Variants in MPDZ observed in about 807,000 individuals in gnomAD.
The protein encoded by MPDZ is multiple PDZ domain crumbs cell polarity complex component.
Under a neutral mutation model 239.1 loss-of-function variants are expected in MPDZ, and 234 were observed. The ratio of observed to expected loss-of-function variants is 0.98; its 90% CI spans 0.88 to 1.09. The LOEUF (loss-of-function observed/expected upper bound fraction) is 1.09. MPDZ is among the 50% of genes least tolerant of loss of function. MPDZ has a pLI of 0.00. For synonymous variants in MPDZ, 1,048 were observed against 881.3 expected (o/e 1.19, Z -3.35); for missense variants, 3,175 against 2,510.0 (o/e 1.26, Z -5.66).
chr9:13,231,342 G>T (rs1398264975), intron 3 of MPDZ, among the ~76,000 whole-genome samples: 3 of 152,076 alleles, frequency 2.0e-5, no homozygotes, highest in Non-Finnish European at 2.9e-5. Context: ...GAGGTGGGTG[G>T]ACTACTTGAG....
chr9:13,202,395 A>C (rs996539134), intron 12 of MPDZ, among the ~76,000 whole-genome samples: 1 of 152,178 alleles, frequency 6.6e-6, no homozygotes, highest in Non-Finnish European at 1.5e-5. Context: ...AGATGGCTCC[A>C]TGAGAGCACC....
intron 18 of MPDZ, among the ~76,000 whole-genome samples, chr9:13,185,007 T>C (rs1587614939): frequency 6.6e-6 from 1 of 152,148 alleles, no homozygotes; most frequent in East Asian, 1.9e-4. Flanking sequence ...TGCTATTTCG[T>C]CGGGTACTTT....
At chr9:13,265,837 C>T (rs903035910) in intron 1 of MPDZ, among the ~76,000 whole-genome samples, 8 of 152,036 alleles carry the variant, frequency 5.3e-5, no homozygotes, top group East Asian at 3.9e-4. Context: ...AGGATGGAGA[C>T]GATATTTCCA....
At position 13,207,086 on chromosome 9, in the gene MPDZ, A is replaced by G. The variant is rs545686693; in HGVS notation, c.1291-987T>C. ...TAAAAGGTATAGAAGACAGTGATAA[A>G]TGTGCTCACTGAGTGCACTGATGTA... On this transcript the variant is annotated intron_variant, in intron 10 of 46. Coordinates refer to ENST00000319217, the MANE Select transcript of MPDZ (RefSeq NM_001378778.1). Among the ~76,000 whole-genome samples, 7 of 152,298 alleles carry G rather than the reference A, an allele frequency of 4.6e-5. No individual in the cohort carries two copies. The East Asian group carries it at 1.4e-3, about 29-fold the overall frequency.
chr9:13,271,496 A>C (rs527814637), intron 1 of MPDZ, among the ~76,000 whole-genome samples: 2 of 152,332 alleles, frequency 1.3e-5, no homozygotes, highest in African/African-American at 4.8e-5. Context: ...AAAGATGATC[A>C]TCTCTCCCTT....
intron 19 of MPDZ, among the ~76,000 whole-genome samples, chr9:13,179,787 C>T (rs750930200): frequency 1.8e-4 from 27 of 152,016 alleles, no homozygotes; most frequent in Admixed American, 1.2e-3. Flanking sequence ...ATTTCTTAAG[C>T]GCAATGCATA....
At chr9:13,264,458 G>A (rs1033891162) in intron 1 of MPDZ, among the ~76,000 whole-genome samples, 1 of 152,074 alleles carries the variant, frequency 6.6e-6, no homozygotes, top group Non-Finnish European at 1.5e-5. Flanking sequence ...ATATAGGTCA[G>A]AGAGAAGCTA....
chr9:13,237,347 G>A (rs2137112438), intron 3 of MPDZ, among the ~76,000 whole-genome samples: 1 of 149,384 alleles, frequency 6.7e-6, no homozygotes, highest in Admixed American at 6.7e-5. Context: ...TGAGGTTGGA[G>A]GGTCACGGGA....
chr9:13,234,012 C>T (rs1394138978), intron 3 of MPDZ, among the ~76,000 whole-genome samples: 2 of 98,866 alleles, frequency 2.0e-5, no homozygotes, highest in East Asian at 3.1e-4. Flanking sequence ...CTCTGTAATA[C>T]ATTTAGATTT....
chr9:13,217,332 G>T, intron 8 of MPDZ, 38 bp from the exon 9 acceptor site: 1 of 1,306,482 alleles, frequency 7.7e-7, no homozygotes, highest in Non-Finnish European at 1.0e-6. Context: ...GAAATAATAC[G>T]TAAAAAAAAC....
chr9:13,229,621 A>T (rs1490220788), intron 3 of MPDZ, among the ~76,000 whole-genome samples: 1 of 151,562 alleles, frequency 6.6e-6, no homozygotes, highest in African/African-American at 2.4e-5. Context: ...TCCACCCCAC[A>T]CACAATTACC....
chr9:13,165,856 T>A (rs1392717324), intron 22 of MPDZ, among the ~76,000 whole-genome samples: 3 of 152,124 alleles, frequency 2.0e-5, no homozygotes, highest in Non-Finnish European at 4.4e-5. Flanking sequence ...TGGTTTTCCA[T>A]AGAAAATAAT....
At position 13,221,394 on chromosome 9, in the gene MPDZ, A is replaced by G; in HGVS notation, c.854T>C (p.Leu285Pro). The change falls in exon 7 of 47, where the codon CTG becomes CCG. Residue 285 changes from leucine to proline, a missense_variant. Physicochemically the swap from Leu to Pro is moderately conservative, Grantham distance 98. Transcript: ENST00000319217. ...KATGVIVKTI[L>P]PGGVADQHGR... ...TACCTGATCAGCTACTCCTCCAGGCAGAATGGTTTTTACTATCACACCAGT... is the reference window on the plus strand; with the variant it reads ...TACCTGATCAGCTACTCCTCCAGGCGGAATGGTTTTTACTATCACACCAGT... The G allele has an allele frequency of 1.2e-6, 2 of 1,610,046 alleles. No individual in the cohort carries two copies. The highest frequency in any genetic ancestry group is 1.7e-6 in the Non-Finnish European group (2 of 1,177,608).
Position 13,136,171 on chromosome 9 carries a change from G to C in MPDZ, c.4304C>G (p.Ala1435Gly), listed in dbSNP as rs752864103. The C allele has an allele frequency of 6.2e-7, 1 of 1,610,550 alleles. No homozygotes were observed. The highest frequency in any genetic ancestry group is 8.5e-7 in the Non-Finnish European group (1 of 1,177,950). ...AGGACATACGGCCATCTGATTCACT[G>C]CATCTTTATTTCTAAAAGCAAAAAA... ...VKIIFIRNKD[A>G]VNQMAVCPGN... Residue 1435 changes from alanine (A) to glycine (G), a missense_variant, in exon 31 of 47, where the codon GCA becomes GGA. Transcript: ENST00000319217.
chr9:13,119,703 C>T (rs1421960671), intron 38 of MPDZ, 54 bp from the exon 39 acceptor site: 25 of 1,605,418 alleles, frequency 1.6e-5, no homozygotes, highest in African/African-American at 2.7e-5. Flanking sequence ...TAATGCAATG[C>T]TTATTTAATA....
chr9:13,111,102 T>A (rs997251875), intron 43 of MPDZ, among the ~76,000 whole-genome samples: 1 of 151,394 alleles, frequency 6.6e-6, no homozygotes, highest in Admixed American at 6.6e-5. Flanking sequence ...TCATTAGATG[T>A]GACTCTAAGT....
Position 13,158,003 on chromosome 9 carries a change from A to G in MPDZ, c.3452+15T>C, listed in dbSNP as rs958004929. 5.6e-6 allele frequency: 9 copies of G among 1,607,974 alleles called. No homozygotes were observed. In the African/African-American group the frequency reaches 1.2e-4, roughly 21 times the overall value. ...TATATCCATTGGGTGGACAGAAGAC[A>G]GAAATAGTCCTTACCGCCTGGGCTG... On this transcript the variant is annotated intron_variant, in intron 24 of 46. Transcript: ENST00000319217.
intron 18 of MPDZ, 86 bp downstream of exon 18, chr9:13,186,184 T>A: frequency 3.1e-6 from 2 of 640,388 alleles, no homozygotes; most frequent in Non-Finnish European, 4.9e-6. Context: ...ACAAAGAATA[T>A]AATAGACTTC....
rs1044228474 is a variant in MPDZ at position 13,208,683 on chromosome 9, T to C, written c.1291-2584A>G. Among the ~76,000 whole-genome samples the C allele has an allele frequency of 7.4e-5, 11 of 149,408 alleles. No homozygotes were observed. The South Asian group carries it at 2.3e-3, about 31-fold the overall frequency. On this transcript the variant is annotated intron_variant, in intron 10 of 46. Coordinates refer to ENST00000319217, the MANE Select transcript of MPDZ (RefSeq NM_001378778.1). Reference sequence around the variant, plus strand: ...TTATATAGGATATATATATATAATATATATAACAACAATATATATGAATAT... The same window carrying C: ...TTATATAGGATATATATATATAATACATATAACAACAATATATATGAATAT...
Sources: allele counts gnomAD v4.1 joint callset (sites outside exome capture counted in the v4.1 genomes callset), GRCh38; gene constraint gnomAD v4.1.1; transcripts MANE v1.5; gene names NCBI Gene and HGNC (gene_info 2026-07-23, HGNC 2026-07-21).